The following RNF11 variants were observed in gnomAD, a reference collection of about 807,000 sequenced individuals.
The protein encoded by RNF11 is ring finger protein 11.
RNF11 carries 4 observed loss-of-function variants against 15.8 expected under a neutral mutation model. The ratio of observed to expected loss-of-function variants is 0.25; its 90% CI spans 0.12 to 0.58. RNF11 has a LOEUF of 0.58. RNF11 is among the 20% of genes least tolerant of loss of function. The pLI, the probability that RNF11 is intolerant of heterozygous loss-of-function variation, is 0.91. For missense variants in RNF11, 139 were observed against 194.4 expected (o/e 0.71, Z 1.70); for synonymous variants, 68 against 72.3 (o/e 0.94, Z 0.30).
intron 1 of RNF11, among the ~76,000 whole-genome samples, chr1:51,257,486 G>T (rs114894361): frequency 2.6e-5 from 4 of 151,776 alleles, no homozygotes; most frequent in African/African-American, 9.7e-5. Flanking sequence ...AGATAGTCTT[G>T]CTCTGCGGAC....
intron 1 of RNF11, among the ~76,000 whole-genome samples, chr1:51,259,038 A>G (rs1168426778): frequency 6.6e-6 from 1 of 152,242 alleles, no homozygotes; most frequent in Non-Finnish European, 1.5e-5. Flanking sequence ...GTAACACCAG[A>G]AACTATCCAG....
intron 1 of RNF11, 45 bp from the exon 2 acceptor site, chr1:51,269,911 G>A (rs778315337): frequency 6.5e-7 from 1 of 1,548,722 alleles, no homozygotes; most frequent in Admixed American, 1.8e-5. Flanking sequence ...GCCCTCGAAA[G>A]GTTTTTAAAA....
intron 1 of RNF11, among the ~76,000 whole-genome samples, chr1:51,262,546 T>TG (rs990497446): frequency 6.6e-6 from 1 of 151,956 alleles, no homozygotes; most frequent in Non-Finnish European, 1.5e-5. Flanking sequence ...TTGGGCTTTT[T>TG]TTTGTTTGTT....
intron 1 of RNF11, among the ~76,000 whole-genome samples, chr1:51,267,695 C>T (rs938786789): frequency 2.6e-5 from 4 of 152,172 alleles, no homozygotes; most frequent in South Asian, 2.1e-4. Context: ...ATATAGTGTT[C>T]GCAGATAGGG....
chr1:51,241,420 G>A (rs1298687302), intron 1 of RNF11, among the ~76,000 whole-genome samples: 1 of 152,124 alleles, frequency 6.6e-6, no homozygotes, highest in African/African-American at 2.4e-5. Context: ...GGACTACAGG[G>A]TTACACCACC....
intron 1 of RNF11, among the ~76,000 whole-genome samples, chr1:51,245,877 A>G (rs1250998498): frequency 6.6e-6 from 1 of 152,240 alleles, no homozygotes; most frequent in Non-Finnish European, 1.5e-5. Flanking sequence ...GAAAAGAAAT[A>G]CAACACATCT....
At chr1:51,265,877 A>C (rs1646952433) in intron 1 of RNF11, 1 of 145,218 alleles carries the variant, frequency 6.9e-6, no homozygotes, top group South Asian at 2.2e-4. Flanking sequence ...TTTTTAACAG[A>C]GTCTAGCTCT....
chr1:51,268,809 T>G (rs471027), intron 1 of RNF11, among the ~76,000 whole-genome samples: 149,793 of 152,284 alleles, frequency 0.98, 73,709 homozygotes, highest in South Asian at 1. Flanking sequence ...CACAACAGAG[T>G]CCAAGAGTTT....
rs535431354 is a variant in RNF11 at position 51,256,302 on chromosome 1, T to G, written c.124-13654T>G. Among the ~76,000 whole-genome samples, 149 of 152,366 alleles carry G rather than the reference T, an allele frequency of 9.8e-4. 2 individuals are homozygous for G. The South Asian group carries it at 0.031, about 31-fold the overall frequency. ...TTTGCCATTTGCAGAATGTTGCATA[T>G]TTGGAATCATACAGTATGTAGCCTT... On this transcript the variant is annotated intron_variant, in intron 1 of 2. Transcript: ENST00000242719.
chr1:51,264,853 C>T (rs1212023854), intron 1 of RNF11: 1 of 152,182 alleles, frequency 6.6e-6, no homozygotes, highest in African/African-American at 2.4e-5. Flanking sequence ...ACACGTTTTA[C>T]ATTCACCTGT....
intron 1 of RNF11, among the ~76,000 whole-genome samples, chr1:51,250,198 A>G (rs545905215): frequency 1.3e-5 from 2 of 152,166 alleles, no homozygotes; most frequent in Non-Finnish European, 2.9e-5. Flanking sequence ...CTTATGATGT[A>G]CACCATGGTG....
intron 1 of RNF11, among the ~76,000 whole-genome samples, chr1:51,257,195 T>TC (rs1004042122): frequency 1.1e-4 from 16 of 152,184 alleles, no homozygotes; most frequent in Non-Finnish European, 5.9e-5. Context: ...TAGTTCTCTT[T>TC]CCCCAGGTAG....
chr1:51,254,843 A>T (rs900750021), intron 1 of RNF11, among the ~76,000 whole-genome samples: 1 of 152,170 alleles, frequency 6.6e-6, no homozygotes, highest in Non-Finnish European at 1.5e-5. Flanking sequence ...TGGCCCCTTA[A>T]AGTGCTGGGA....
At chr1:51,267,397 G>C (rs1646959245) in intron 1 of RNF11, among the ~76,000 whole-genome samples, 1 of 152,144 alleles carries the variant, frequency 6.6e-6, no homozygotes, top group African/African-American at 2.4e-5. Flanking sequence ...TTAGGACTTA[G>C]TATATAATCT....
chr1:51,255,923 T>G (rs1646902377), intron 1 of RNF11, among the ~76,000 whole-genome samples: 1 of 152,212 alleles, frequency 6.6e-6, no homozygotes, highest in African/African-American at 2.4e-5. Flanking sequence ...GTTCTCCCTT[T>G]TCAGGATTGT....
At chr1:51,261,845 G>A (rs1284693979) in intron 1 of RNF11, among the ~76,000 whole-genome samples, 1 of 151,926 alleles carries the variant, frequency 6.6e-6, no homozygotes, top group Non-Finnish European at 1.5e-5. Context: ...CTGCCACCAC[G>A]CTCAGCCTGT....
chr1:51,256,503 A>G (rs1339311912), intron 1 of RNF11, among the ~76,000 whole-genome samples: 1 of 152,206 alleles, frequency 6.6e-6, no homozygotes, highest in Admixed American at 6.5e-5. Flanking sequence ...TTCGATAGTC[A>G]TGAATAAAGC....
At position 51,271,356 on chromosome 1, in the gene RNF11, C is replaced by G; in HGVS notation, c.*34C>G. ...CTCTTATCTGACTTCAAGTGAACCACCATTTTGGTGGTTTTGATCTTTTGT... is the reference window on the plus strand; with the variant it reads ...CTCTTATCTGACTTCAAGTGAACCAGCATTTTGGTGGTTTTGATCTTTTGT... On this transcript the variant is annotated 3_prime_UTR_variant, in exon 3 of 3. Transcript: ENST00000242719. 6.4e-7 allele frequency: 1 copy of G among 1,561,650 alleles called. No homozygotes were observed. Among genetic ancestry groups the G allele is most frequent in the Non-Finnish European group, 8.7e-7 (1 of 1,143,350 alleles).
At chr1:51,262,450 A>G (rs757811394) in intron 1 of RNF11, among the ~76,000 whole-genome samples, 1 of 152,256 alleles carries the variant, frequency 6.6e-6, no homozygotes, top group East Asian at 1.9e-4. Flanking sequence ...AAAGTAACCA[A>G]AGTTGAATTT....
Sources: allele counts gnomAD v4.1 joint callset (sites outside exome capture counted in the v4.1 genomes callset), GRCh38; gene constraint gnomAD v4.1.1; transcripts MANE v1.5; gene names NCBI Gene and HGNC (gene_info 2026-07-23, HGNC 2026-07-21).